SIPA1L2: variants seen among roughly 807,000 people sequenced by gnomAD.
SIPA1L2 encodes signal induced proliferation associated 1 like 2, also known as signal-induced proliferation-associated 1-like protein 2.
In SIPA1L2, 56 loss-of-function variants were observed where a neutral mutation model predicts 163.9. That is an observed-to-expected ratio of 0.34 (90% confidence interval 0.28 to 0.43). The LOEUF is 0.43. Among genes scored for constraint, SIPA1L2 ranks in the 20% least tolerant of loss-of-function variants. SIPA1L2 has a pLI of 1.00. For synonymous variants in SIPA1L2, 877 were observed against 865.7 expected (o/e 1.01, Z -0.23); for missense variants, 1,974 against 2,193.5 (o/e 0.90, Z 2.00).
At chr1:232,530,411 GCCA>G (rs1188400519) in intron 2 of SIPA1L2, among the ~76,000 whole-genome samples, 3 of 152,114 alleles carry the variant, frequency 2.0e-5, no homozygotes, top group Non-Finnish European at 4.4e-5. Context: ...ACCGTGCTGG[GCCA>G]CCATTTATTC....
At chr1:232,537,226 G>A (rs1161388201) in intron 2 of SIPA1L2, among the ~76,000 whole-genome samples, 2 of 151,996 alleles carry the variant, frequency 1.3e-5, no homozygotes, top group Admixed American at 1.3e-4. Flanking sequence ...GACAACGTGA[G>A]ACCCTGTCTC....
intron 19 of SIPA1L2, among the ~76,000 whole-genome samples, chr1:232,414,893 G>T (rs1661159564): frequency 6.6e-6 from 1 of 152,160 alleles, no homozygotes; most frequent in South Asian, 2.1e-4. Flanking sequence ...GTTCCTGAAG[G>T]GGTAGCCTCA....
At chr1:232,475,131 G>T (rs1664977570) in intron 7 of SIPA1L2, among the ~76,000 whole-genome samples, 1 of 152,192 alleles carries the variant, frequency 6.6e-6, no homozygotes. Flanking sequence ...CCTGGTCCTT[G>T]AGTTTGAATC....
intron 18 of SIPA1L2, among the ~76,000 whole-genome samples, chr1:232,418,391 C>A (rs2102788994): frequency 6.6e-6 from 1 of 152,340 alleles, no homozygotes; most frequent in African/African-American, 2.4e-5. Context: ...GGTTTCCTGA[C>A]AGTCTTGAGT....
At chr1:232,419,765 C>A (rs1661460694) in intron 18 of SIPA1L2, among the ~76,000 whole-genome samples, 3 of 152,148 alleles carry the variant, frequency 2.0e-5, no homozygotes, top group Admixed American at 1.3e-4. Flanking sequence ...ATTACCCAGC[C>A]CCAGATATTT....
intron 1 of SIPA1L2, among the ~76,000 whole-genome samples, chr1:232,623,209 G>A (rs193213312): frequency 6.6e-6 from 1 of 152,306 alleles, no homozygotes; most frequent in East Asian, 1.9e-4. Context: ...TACAGTTCTG[G>A]CCAATCACAT....
intron 10 of SIPA1L2, among the ~76,000 whole-genome samples, chr1:232,451,397 C>G (rs1242909198): frequency 1.3e-5 from 2 of 152,138 alleles, no homozygotes; most frequent in African/African-American, 4.8e-5. Flanking sequence ...CAAGACACCC[C>G]AGCTCATGTG....
At chr1:232,449,410 C>G (rs1466338323) in intron 10 of SIPA1L2, among the ~76,000 whole-genome samples, 1 of 150,448 alleles carries the variant, frequency 6.6e-6, no homozygotes, top group Admixed American at 6.6e-5. Context: ...CCCAGCTACT[C>G]GGGAGGCTGA....
At chr1:232,496,284 T>C (rs147126176) in intron 3 of SIPA1L2, among the ~76,000 whole-genome samples, 2,691 of 152,320 alleles carry the variant, frequency 0.018, 88 homozygotes, top group African/African-American at 0.061. Flanking sequence ...TACAGTAACA[T>C]GCTGTGCAGG....
intron 1 of SIPA1L2, among the ~76,000 whole-genome samples, chr1:232,625,715 G>A (rs1361846814): frequency 6.6e-6 from 1 of 152,140 alleles, no homozygotes; most frequent in African/African-American, 2.4e-5. Flanking sequence ...TTGTTCTGTA[G>A]GCCACCAAGG....
chr1:232,608,233 A>G (rs932445634), intron 1 of SIPA1L2, among the ~76,000 whole-genome samples: 2 of 152,064 alleles, frequency 1.3e-5, no homozygotes, highest in African/African-American at 4.8e-5. Context: ...TTTTTAGTAG[A>G]GACAGGGTTT....
chr1:232,622,398 T>C (rs1662857152), intron 1 of SIPA1L2, among the ~76,000 whole-genome samples: 1 of 152,242 alleles, frequency 6.6e-6, no homozygotes, highest in Non-Finnish European at 1.5e-5. Flanking sequence ...TGATTTCCTG[T>C]AGAAATGAAC....
At chr1:232,562,943 A>C (rs1388214283) in intron 2 of SIPA1L2, among the ~76,000 whole-genome samples, 1 of 152,244 alleles carries the variant, frequency 6.6e-6, no homozygotes. Context: ...CCAGGCATGG[A>C]AGGAGAGCTG....
chr1:232,541,247 T>TAACATAACATAACATAACA (rs552074001), intron 2 of SIPA1L2, among the ~76,000 whole-genome samples: 1 of 144,572 alleles, frequency 6.9e-6, no homozygotes, highest in African/African-American at 2.7e-5. Flanking sequence ...TAACATAACA[T>TAACATAACATAACATAACA]TAACATAACA....
Position 232,425,687 on chromosome 1 carries a change from T to C in SIPA1L2, c.4532A>G (p.Gln1511Arg), listed in dbSNP as rs1439555033. The C allele has an allele frequency of 6.2e-7, 1 of 1,613,928 alleles. No homozygotes were observed. Among genetic ancestry groups the C allele is most frequent in the Non-Finnish European group, 8.5e-7 (1 of 1,179,962 alleles). Reference protein sequence around the residue: ...FGSSRSSVLDQALPNDILFST... With the variant: ...FGSSRSSVLDRALPNDILFST... ...GAACAGAATGTCGTTGGGCAGGGCC[T>C]GGTCAAGCACGGAACTCCGGGAACT... is the stretch of plus-strand genomic sequence containing the variant. Residue 1511 changes from glutamine (Q) to arginine (R), a missense_variant, in exon 18 of 23, where the codon CAG becomes CGG. Around this residue, in one of 3 missense-constraint regions of SIPA1L2, gnomAD observed 1,079 missense variants for 1,150.7 expected, o/e 0.94. Coordinates refer to ENST00000674635, the MANE Select transcript of SIPA1L2 (RefSeq NM_020808.5).
chr1:232,519,455 G>A (rs1667362733), intron 2 of SIPA1L2, among the ~76,000 whole-genome samples: 1 of 150,972 alleles, frequency 6.6e-6, no homozygotes, highest in Non-Finnish European at 1.5e-5. Flanking sequence ...GATGGCACAT[G>A]GAAACCGTGC....
intron 1 of SIPA1L2, among the ~76,000 whole-genome samples, chr1:232,615,087 A>G (rs1329929911): frequency 1.3e-5 from 2 of 152,240 alleles, no homozygotes; most frequent in Non-Finnish European, 2.9e-5. Context: ...TATGTCTGGT[A>G]TCATCAGAAT....
At chr1:232,488,035 C>A (rs1665737957) in intron 5 of SIPA1L2, among the ~76,000 whole-genome samples, 2 of 151,914 alleles carry the variant, frequency 1.3e-5, no homozygotes, top group Admixed American at 1.3e-4. Context: ...CTCACTGCAA[C>A]CTCTGCCTCC....
rs1254900642 is a variant in SIPA1L2 at position 232,424,871 on chromosome 1, A to AT, written c.4630+717dup. ...TGAATAGATTTCTGATTAAATTCCC[A>AT]TTTTTTCTGTACAAAAATAACTATG... is the stretch of plus-strand genomic sequence containing the variant. On this transcript the variant is annotated intron_variant, in intron 18 of 22. Transcript: ENST00000674635. Among the ~76,000 whole-genome samples, 14 of 152,296 alleles carry AT rather than the reference A, an allele frequency of 9.2e-5. No homozygotes were observed. In the East Asian group the frequency reaches 1.3e-3, roughly 15 times the overall value.
Sources: gnomAD v4.1 joint callset for allele counts (sites outside exome capture counted in the v4.1 genomes callset) on GRCh38, gnomAD v4.1.1 for gene constraint, gnomAD v4.1.1 regional missense constraint, MANE v1.5 for transcripts, NCBI Gene and HGNC (gene_info 2026-07-23, HGNC 2026-07-21) for gene names.